Variants in FRMPD3 observed in about 807,000 individuals in gnomAD.
FRMPD3 encodes the protein FERM and PDZ domain containing 3.
FRMPD3 carries 42 observed loss-of-function variants against 97.9 expected under a neutral mutation model. The observed-to-expected ratio is 0.43, with a 90% confidence interval of 0.34 to 0.55. FRMPD3 has a LOEUF of 0.55. FRMPD3 is among the 20% of genes least tolerant of loss of function. FRMPD3 has a pLI of 0.03. For synonymous variants in FRMPD3, 577 were observed against 581.1 expected (o/e 0.99, Z 0.10); for missense variants, 1,303 against 1,457.7 (o/e 0.89, Z 1.73).
chrX:107,461,936 T>TC (rs1931484250), intron 1 of FRMPD3, among the ~76,000 whole-genome samples: 1 of 105,033 alleles, frequency 9.5e-6, no homozygotes, highest in Admixed American at 1.0e-4. Flanking sequence ...CTTACTCTTA[T>TC]CCCTGCAGTC....
At chrX:107,543,099 A>G (rs1345161521) in intron 4 of FRMPD3, among the ~76,000 whole-genome samples, 2 of 112,055 alleles carry the variant, frequency 1.8e-5, no homozygotes. Context: ...GCAGTTACAA[A>G]TATTGTACTT....
At chrX:107,561,115 A>G (rs1922345219) in intron 10 of FRMPD3, among the ~76,000 whole-genome samples, 1 of 111,881 alleles carries the variant, frequency 8.9e-6, no homozygotes, top group Non-Finnish European at 1.9e-5. Context: ...TGCAGGAGAT[A>G]ATTCTCAGGT....
intron 1 of FRMPD3, among the ~76,000 whole-genome samples, chrX:107,461,947 AT>A (rs71891736): frequency 0.077 from 7,803 of 101,405 alleles, 730 homozygotes; most frequent in African/African-American, 0.26. Flanking sequence ...CCCTGCAGTC[AT>A]TTTTTTTTTC....
At chrX:107,598,688 T>C (rs1259352115) in intron 14 of FRMPD3, among the ~76,000 whole-genome samples, 1 of 112,098 alleles carries the variant, frequency 8.9e-6, no homozygotes, top group Non-Finnish European at 1.9e-5. Context: ...TTACTCTCTC[T>C]GAACCTCATT....
intron 1 of FRMPD3, among the ~76,000 whole-genome samples, chrX:107,511,805 G>A (rs936468457): frequency 1.8e-5 from 2 of 112,334 alleles, no homozygotes; most frequent in African/African-American, 6.5e-5. Flanking sequence ...ACAGGCTGAA[G>A]TCTGAGATCT....
chrX:107,518,014 G>A (rs1397570231), intron 1 of FRMPD3, among the ~76,000 whole-genome samples: 1 of 110,974 alleles, frequency 9.0e-6, no homozygotes, highest in Non-Finnish European at 1.9e-5. Flanking sequence ...ATATAGCAGG[G>A]GGAGAGGAAG....
intron 3 of FRMPD3, among the ~76,000 whole-genome samples, chrX:107,531,710 TACCCTCC>T (rs773075711): frequency 9.0e-6 from 1 of 111,516 alleles, no homozygotes. Flanking sequence ...TGCATTTCCC[TACCCTCC>T]ACCCTCCACC....
chrX:107,578,318 TG>T (rs1923223059), intron 13 of FRMPD3, among the ~76,000 whole-genome samples: 1 of 112,083 alleles, frequency 8.9e-6, no homozygotes. Context: ...TAGCCAATGC[TG>T]GCCCCAAGTA....
At chrX:107,576,264 T>C (rs1366009750) in intron 12 of FRMPD3, 51 bp from the exon 13 acceptor site, 3 of 1,173,548 alleles carry the variant, frequency 2.6e-6, no homozygotes, top group Admixed American at 4.5e-5. Context: ...TGAAAATGCA[T>C]CTGCCTCCCT....
At chrX:107,502,242 G>A (rs1196154841) in intron 1 of FRMPD3, among the ~76,000 whole-genome samples, 1 of 110,233 alleles carries the variant, frequency 9.1e-6, no homozygotes, top group Non-Finnish European at 1.9e-5. Flanking sequence ...AAAGAGAGGG[G>A]CCAAGTGAGG....
chrX:107,510,778 T>G (rs1356435387), intron 1 of FRMPD3, among the ~76,000 whole-genome samples: 1 of 112,149 alleles, frequency 8.9e-6, no homozygotes, highest in Non-Finnish European at 1.9e-5. Flanking sequence ...CCAGACAAGG[T>G]GACATGAGTT....
intron 8 of FRMPD3, among the ~76,000 whole-genome samples, chrX:107,556,986 G>A (rs1483926565): frequency 8.9e-6 from 1 of 112,103 alleles, no homozygotes; most frequent in Non-Finnish European, 1.9e-5. Context: ...TAAACACTTA[G>A]AAGTGGAATG....
rs1268186542 is a variant in FRMPD3 at position 107,449,759 on chromosome X, C to T, written c.-254C>T. Among the ~76,000 whole-genome samples, 1 of 109,062 alleles carries T rather than the reference C, an allele frequency of 9.2e-6. No individual in the cohort carries two copies. Among genetic ancestry groups the T allele is most frequent in the African/African-American group, 3.3e-5 (1 of 30,261 alleles). 94.7% of individuals were successfully genotyped at this position (109,062 alleles called of 115,157 possible). ...GCGCGCGCTCCTGCCATCCTGCCCGCAGCCCGCCGCCTGCGCGCCAGCTCC... is the reference window on the plus strand; with the variant it reads ...GCGCGCGCTCCTGCCATCCTGCCCGTAGCCCGCCGCCTGCGCGCCAGCTCC... On this transcript the variant is annotated 5_prime_UTR_variant, in exon 1 of 15. Coordinates refer to ENST00000683843, the MANE Select transcript of FRMPD3 (RefSeq NM_001388459.1).
chrX:107,458,723 G>T (rs1231086952), intron 1 of FRMPD3, among the ~76,000 whole-genome samples: 1 of 111,675 alleles, frequency 9.0e-6, no homozygotes, highest in Non-Finnish European at 1.9e-5. Context: ...AACCTTGGGG[G>T]CTGTCGGACA....
At chrX:107,586,659 C>T (rs188388599) in intron 13 of FRMPD3, among the ~76,000 whole-genome samples, 257 of 111,594 alleles carry the variant, frequency 2.3e-3, no homozygotes, top group African/African-American at 7.9e-3. Flanking sequence ...TCTTTGTTCT[C>T]CTTGGTTTCA....
intron 1 of FRMPD3, among the ~76,000 whole-genome samples, 89 bp downstream of exon 1, chrX:107,450,094 G>A (rs1019344524): frequency 9.0e-6 from 1 of 110,548 alleles, no homozygotes; most frequent in African/African-American, 3.3e-5. Context: ...GCCCCGGGCC[G>A]GCTGGGGGGC....
At chrX:107,567,476 A>G (rs1034631532) in intron 12 of FRMPD3, among the ~76,000 whole-genome samples, 1 of 112,552 alleles carries the variant, frequency 8.9e-6, no homozygotes, top group Non-Finnish European at 1.9e-5. Context: ...GAAGGAGTTA[A>G]TCAGATCTGG....
At chrX:107,562,360 ATTGAAGGGTT>A (rs1922408777) in intron 10 of FRMPD3, among the ~76,000 whole-genome samples, 1 of 112,495 alleles carries the variant, frequency 8.9e-6, no homozygotes. Flanking sequence ...GCTGGGAGCC[ATTGAAGGGTT>A]TAAAGCAGGG....
intron 3 of FRMPD3, among the ~76,000 whole-genome samples, chrX:107,532,368 G>A (rs770831355): frequency 8.9e-6 from 1 of 112,410 alleles, no homozygotes; most frequent in South Asian, 3.7e-4. Flanking sequence ...CAGGGGAGAA[G>A]CCAGTAGGAC....
Sources: allele counts gnomAD v4.1 joint callset (sites outside exome capture counted in the v4.1 genomes callset), GRCh38; gene constraint gnomAD v4.1.1; transcripts MANE v1.5; gene names NCBI Gene and HGNC (gene_info 2026-07-23, HGNC 2026-07-21).